TBXAS1: variants seen among roughly 807,000 people sequenced by gnomAD.
TBXAS1 encodes the protein thromboxane-A synthase.
Under a neutral mutation model 60.7 loss-of-function variants are expected in TBXAS1, and 48 were observed. That is an observed-to-expected ratio of 0.79 (90% CI 0.63 to 1.01). The LOEUF is 1.01. Ranked by LOEUF, TBXAS1 falls within the 50% of genes least tolerant of loss-of-function variation. TBXAS1 has a pLI of 0.00. For synonymous variants in TBXAS1, 287 were observed against 269.7 expected (o/e 1.06, Z -0.63); for missense variants, 685 against 686.3 (o/e 1.00, Z 0.02).
At position 139,894,672 on chromosome 7, in the gene TBXAS1, G is replaced by A. The variant is rs568281604; in HGVS notation, c.237-16553G>A. Among the ~76,000 whole-genome samples the A allele has an allele frequency of 6.6e-5, 10 of 152,282 alleles. No homozygotes were observed. In the East Asian group the frequency reaches 1.9e-3, roughly 29 times the overall value. On this transcript the variant is annotated intron_variant, in intron 3 of 12. Coordinates refer to ENST00000448866, the MANE Select transcript of TBXAS1 (RefSeq NM_001061.7). ...ATCGGTTCTCCATTCTTTCTGGAAG[G>A]TGTGTCCCCCTTCTTCCTTTTGCCC...
Position 139,852,911 on chromosome 7 carries a change from G to A in TBXAS1, c.90-19324G>A, listed in dbSNP as rs957435384. Among the ~76,000 whole-genome samples the A allele has an allele frequency of 2.0e-5, 3 of 148,858 alleles. No homozygotes were observed. Among genetic ancestry groups the A allele is most frequent in the Non-Finnish European group, 4.4e-5 (3 of 67,676 alleles). On this transcript the variant is annotated intron_variant, in intron 1 of 12. Coordinates refer to ENST00000448866, the MANE Select transcript of TBXAS1 (RefSeq NM_001061.7). The surrounding 1 kb of genome is among the most constrained non-coding windows in gnomAD (Gnocchi z 4.4). ...CCCACTACCAGTACTCAATGCCCCT[G>A]TGTACCAACCTTGGCTACTCCAATA... is the stretch of plus-strand genomic sequence containing the variant.
chr7:139,896,934 G>T lies in TBXAS1; in HGVS notation c.237-14291G>T, dbSNP rs1804145290. ...CAGCTTCTGTTTTACAAAGGTGATT[G>T]GCCTTGGCGGGAGGGTTGGTTTGGA... On this transcript the variant is annotated intron_variant, in intron 3 of 12. Transcript: ENST00000448866. This position sits in a 1 kb window ranked among gnomAD's most constrained non-coding sequence, Gnocchi z 4.0. 6.6e-6 allele frequency among the ~76,000 whole-genome samples: 1 copy of T among 152,140 alleles called. No homozygotes were observed. Among genetic ancestry groups the T allele is most frequent in the Non-Finnish European group, 1.5e-5 (1 of 68,028 alleles).
chr7:139,906,138 C>T, intron 3 of TBXAS1: 1 of 378,010 alleles, frequency 2.6e-6, no homozygotes, highest in South Asian at 1.9e-5. Flanking sequence ...TCACTGCAAC[C>T]TCCACCTTCC....
intron 12 of TBXAS1, among the ~76,000 whole-genome samples, chr7:140,018,230 G>C (rs569529585): frequency 1.2e-4 from 18 of 152,284 alleles, no homozygotes; most frequent in Non-Finnish European, 2.2e-4. Context: ...CTGCCTTTGC[G>C]GGGTGGGGGG....
At chr7:139,842,758 T>G (rs1235874078) in intron 1 of TBXAS1, among the ~76,000 whole-genome samples, 3 of 152,224 alleles carry the variant, frequency 2.0e-5, no homozygotes, top group African/African-American at 4.8e-5. Flanking sequence ...GTGCAGAGTT[T>G]GGCCCTGGCC....
At chr7:139,912,157 G>A (rs1805576980) in intron 4 of TBXAS1, among the ~76,000 whole-genome samples, 1 of 152,176 alleles carries the variant, frequency 6.6e-6, no homozygotes, top group South Asian at 2.1e-4. Flanking sequence ...TTGAACGCTT[G>A]AATCTGGGAG....
intron 4 of TBXAS1, among the ~76,000 whole-genome samples, chr7:139,935,094 G>A (rs886072916): frequency 3.3e-5 from 5 of 152,178 alleles, no homozygotes; most frequent in African/African-American, 7.2e-5. Context: ...GATTATAGGC[G>A]TGAGCCACCA....
intron 4 of TBXAS1, among the ~76,000 whole-genome samples, chr7:139,812,046 G>C (rs1798032683): frequency 6.6e-6 from 1 of 152,172 alleles, no homozygotes; most frequent in Non-Finnish European, 1.5e-5. Flanking sequence ...GCACAACTTG[G>C]CATCCATGCC....
intron 8 of TBXAS1, among the ~76,000 whole-genome samples, chr7:139,958,938 G>A (rs1810100042): frequency 6.6e-6 from 1 of 152,170 alleles, no homozygotes; most frequent in African/African-American, 2.4e-5. Flanking sequence ...GAGCCAGGGG[G>A]AGAAGGGATA....
chr7:139,865,109 C>A (rs1801255380), intron 1 of TBXAS1, among the ~76,000 whole-genome samples: 1 of 152,154 alleles, frequency 6.6e-6, no homozygotes, highest in Non-Finnish European at 1.5e-5. Context: ...GCCCTGAGGG[C>A]AAACTGAGAT....
chr7:140,020,123 G>A lies in TBXAS1; in HGVS notation c.*24G>A. On this transcript the variant is annotated 3_prime_UTR_variant, in exon 13 of 13. Transcript: ENST00000448866. ...GACACAGAAGGCTGCCGGGTGGGGG[G>A]AGGGCACCCCCAAATTCAAAGAAAA... 1 of 1,554,716 alleles carries A rather than the reference G, an allele frequency of 6.4e-7. No homozygotes were observed. The highest frequency in any genetic ancestry group is 8.9e-7 in the Non-Finnish European group (1 of 1,126,812).
chr7:139,830,247 G>T (rs1798618972), intron 1 of TBXAS1, among the ~76,000 whole-genome samples: 1 of 152,194 alleles, frequency 6.6e-6, no homozygotes, highest in African/African-American at 2.4e-5. Context: ...GATTTAGATG[G>T]CTCTGGCTTT....
At chr7:139,813,835 C>T (rs527831648) in intron 4 of TBXAS1, among the ~76,000 whole-genome samples, 2 of 152,272 alleles carry the variant, frequency 1.3e-5, no homozygotes, top group South Asian at 4.2e-4. Flanking sequence ...ACATTTGAGA[C>T]CTGGTACCCA....
chr7:139,803,947 C>T (rs1341150150), intron 4 of TBXAS1, among the ~76,000 whole-genome samples: 6 of 152,192 alleles, frequency 3.9e-5, no homozygotes, highest in Non-Finnish European at 7.3e-5. Flanking sequence ...TAGGGCAGTG[C>T]AGAAAAGAAA....
intron 4 of TBXAS1, among the ~76,000 whole-genome samples, chr7:139,812,924 G>A (rs1451837777): frequency 6.6e-6 from 1 of 152,058 alleles, no homozygotes; most frequent in Admixed American, 6.5e-5. Flanking sequence ...AGGTGTGGTG[G>A]TGGGTGCCTG....
At chr7:139,858,620 C>T (rs1253506353) in intron 1 of TBXAS1, among the ~76,000 whole-genome samples, 2 of 152,156 alleles carry the variant, frequency 1.3e-5, no homozygotes, top group Non-Finnish European at 2.9e-5. Flanking sequence ...CATCCTGGTA[C>T]CCGGAACTCA....
chr7:140,017,975 C>T (rs1006806080), intron 12 of TBXAS1, 142 bp downstream of exon 12: 2 of 1,099,474 alleles, frequency 1.8e-6, no homozygotes, highest in African/African-American at 3.1e-5. Context: ...CCTCTCTCGG[C>T]CTCAGTTTCT....
At chr7:139,928,385 G>A (rs566604800) in intron 4 of TBXAS1, among the ~76,000 whole-genome samples, 3 of 152,158 alleles carry the variant, frequency 2.0e-5, no homozygotes, top group East Asian at 1.9e-4. Flanking sequence ...TTTTGTTTAC[G>A]ACTTTTGTGT....
chr7:139,911,151 C>A, intron 3 of TBXAS1, 74 bp from the exon 4 acceptor site: 1 of 1,275,354 alleles, frequency 7.8e-7, no homozygotes, highest in Non-Finnish European at 1.1e-6. Flanking sequence ...TCATTCTAAG[C>A]TACCGTGAAC....
Sources: gnomAD v4.1 joint callset for allele counts (sites outside exome capture counted in the v4.1 genomes callset) on GRCh38, gnomAD v4.1.1 for gene constraint, Gnocchi (gnomAD v3.1) non-coding constraint, MANE v1.5 for transcripts, NCBI Gene and HGNC (gene_info 2026-07-23, HGNC 2026-07-21) for gene names.